The following LDB2 variants were observed in gnomAD, a reference collection of about 807,000 sequenced individuals.
LDB2 encodes the protein LIM domain binding 2.
LDB2 carries 12 observed loss-of-function variants against 44.3 expected under a neutral mutation model. The ratio of observed to expected loss-of-function variants is 0.27; its 90% confidence interval spans 0.17 to 0.44. The LOEUF (loss-of-function observed/expected upper bound fraction) is 0.44, where lower values mean the gene tolerates loss of function less well. LDB2 is among the 20% of genes least tolerant of loss of function. The pLI is 1.00. For missense variants in LDB2, 344 were observed against 473.5 expected (o/e 0.73, Z 2.54); for synonymous variants, 164 against 174.8 (o/e 0.94, Z 0.49).
intron 1 of LDB2, among the ~76,000 whole-genome samples, chr4:16,878,927 C>T (rs1385342412): frequency 1.3e-5 from 2 of 152,214 alleles, no homozygotes; most frequent in Admixed American, 6.5e-5. Context: ...TACGCTTTCA[C>T]AGAAACATGC....
At chr4:16,541,698 A>T (rs1560414373) in intron 5 of LDB2, among the ~76,000 whole-genome samples, 1 of 152,180 alleles carries the variant, frequency 6.6e-6, no homozygotes, top group African/African-American at 2.4e-5. Context: ...AAGAACACAT[A>T]ATAGAACCAA....
At chr4:16,685,448 G>GA (rs546524721) in intron 2 of LDB2, among the ~76,000 whole-genome samples, 79 of 152,008 alleles carry the variant, frequency 5.2e-4, no homozygotes, top group African/African-American at 1.7e-3. Flanking sequence ...AACTGCTCTA[G>GA]AAAAAACCTT....
intron 5 of LDB2, among the ~76,000 whole-genome samples, chr4:16,545,765 CT>C (rs1326870979): frequency 1.3e-5 from 2 of 152,184 alleles, no homozygotes; most frequent in Non-Finnish European, 2.9e-5. Flanking sequence ...AAAACTGCCC[CT>C]ACCGGCTTAT....
intron 2 of LDB2, among the ~76,000 whole-genome samples, chr4:16,611,057 T>C (rs1725468537): frequency 6.6e-6 from 1 of 152,128 alleles, no homozygotes; most frequent in Non-Finnish European, 1.5e-5. Context: ...TGGAGGCCAA[T>C]ATTCAACACT....
At chr4:16,614,573 G>GA (rs1282791131) in intron 2 of LDB2, among the ~76,000 whole-genome samples, 208 of 26,680 alleles carry the variant, frequency 7.8e-3, no homozygotes, top group Middle Eastern at 0.016. Flanking sequence ...ACATTTACAA[G>GA]AAAAAACAAA....
chr4:16,738,131 T>A (rs1459591648), intron 2 of LDB2, among the ~76,000 whole-genome samples: 8 of 152,206 alleles, frequency 5.3e-5, no homozygotes, highest in African/African-American at 1.9e-4. Context: ...ATTTAGGAGA[T>A]CTATTTAGAA....
At chr4:16,521,515 T>C (rs1726076097) in intron 5 of LDB2, among the ~76,000 whole-genome samples, 1 of 152,088 alleles carries the variant, frequency 6.6e-6, no homozygotes, top group African/African-American at 2.4e-5. Flanking sequence ...TACTCCCAAA[T>C]AAGGTCACAT....
At chr4:16,852,505 T>G (rs2110195373) in intron 1 of LDB2, among the ~76,000 whole-genome samples, 1 of 152,332 alleles carries the variant, frequency 6.6e-6, no homozygotes, top group Non-Finnish European at 1.5e-5. Context: ...GGACAAAAGA[T>G]GTTATATGAA....
rs77055684 is a variant in LDB2, at chr4:16,888,115, T to C, written c.132+10239A>G. On this transcript the variant is annotated intron_variant, in intron 1 of 7. Transcript: ENST00000304523. The stretch of plus-strand genomic sequence containing the variant: ...GGTGCTTCAGGCTTCTGACCAGTGC[T>C]GACCCAGCTCCCTTGGAGAAGTCTG... Among the ~76,000 whole-genome samples the C allele has an allele frequency of 4.4e-3, 668 of 152,314 alleles. 7 individuals carry two copies. The highest frequency in any genetic ancestry group is 0.015 in the African/African-American group (642 of 41,564).
intron 2 of LDB2, among the ~76,000 whole-genome samples, chr4:16,666,034 G>A (rs187182113): frequency 6.6e-6 from 1 of 152,304 alleles, no homozygotes; most frequent in Non-Finnish European, 1.5e-5. Flanking sequence ...AACCAACGCT[G>A]CCGACACCTT....
intron 5 of LDB2, among the ~76,000 whole-genome samples, chr4:16,527,994 A>G (rs1208347767): frequency 7.8e-6 from 1 of 127,630 alleles, no homozygotes; most frequent in Non-Finnish European, 1.8e-5. Context: ...GTATATATAT[A>G]CATGTAATAT....
At chr4:16,514,532 T>A (rs1399546882) in intron 5 of LDB2, among the ~76,000 whole-genome samples, 2 of 152,214 alleles carry the variant, frequency 1.3e-5, no homozygotes. Context: ...CTAAGCATGA[T>A]AATTATGTTT....
At chr4:16,892,012 T>C (rs1207929862) in intron 1 of LDB2, among the ~76,000 whole-genome samples, 1 of 152,174 alleles carries the variant, frequency 6.6e-6, no homozygotes, top group Non-Finnish European at 1.5e-5. Flanking sequence ...TGTTAGTAGA[T>C]ATTAGTATCA....
intron 5 of LDB2, among the ~76,000 whole-genome samples, chr4:16,547,335 T>C (rs765607703): frequency 6.6e-6 from 1 of 152,182 alleles, no homozygotes; most frequent in Non-Finnish European, 1.5e-5. Context: ...TTGGGACTTT[T>C]GGCCTCCAGA....
intron 1 of LDB2, among the ~76,000 whole-genome samples, chr4:16,776,413 C>A (rs1461544226): frequency 2.0e-5 from 3 of 152,162 alleles, no homozygotes; most frequent in Non-Finnish European, 2.9e-5. Flanking sequence ...ACATCACAAC[C>A]AAAGGATATA....
intron 5 of LDB2, among the ~76,000 whole-genome samples, chr4:16,561,544 A>AACCACTG (rs1742275408): frequency 6.6e-6 from 1 of 152,186 alleles, no homozygotes; most frequent in South Asian, 2.1e-4. Context: ...GAGAACTACA[A>AACCACTG]ACCACTGCTC....
At chr4:16,510,447 C>CCTG (rs1248312528) in intron 6 of LDB2, among the ~76,000 whole-genome samples, 2 of 152,176 alleles carry the variant, frequency 1.3e-5, no homozygotes, top group African/African-American at 4.8e-5. Flanking sequence ...TAAAGTCCAG[C>CCTG]AGATACTCAG....
At chr4:16,579,310 T>C (rs1182335242) in intron 5 of LDB2, among the ~76,000 whole-genome samples, 3 of 152,152 alleles carry the variant, frequency 2.0e-5, no homozygotes, top group African/African-American at 7.2e-5. Context: ...ACACCTACTA[T>C]GTACCCTGAA....
chr4:16,817,223 C>A (rs1012633889), intron 1 of LDB2, among the ~76,000 whole-genome samples: 4 of 152,188 alleles, frequency 2.6e-5, no homozygotes, highest in African/African-American at 9.7e-5. Flanking sequence ...GACACTTAAT[C>A]TTACTGTTTC....
Sources: gnomAD v4.1 joint callset for allele counts (sites outside exome capture counted in the v4.1 genomes callset) on GRCh38, gnomAD v4.1.1 for gene constraint, MANE v1.5 for transcripts, NCBI Gene and HGNC (gene_info 2026-07-23, HGNC 2026-07-21) for gene names.